Variants in APOL3 observed in about 807,000 individuals in gnomAD.
The protein encoded by APOL3 is apolipoprotein L3, also known as TNF-inducible protein CG12-1.
APOL3 carries 14 observed loss-of-function variants against 11.6 expected under a neutral mutation model. That is an observed-to-expected ratio of 1.21 (90% CI 0.80 to 1.89). The LOEUF (loss-of-function observed/expected upper bound fraction) is 1.89, where lower values mean the gene tolerates loss of function less well. APOL3 is among the 40% of genes most tolerant of loss of function. The probability of loss-of-function intolerance (pLI) is 0.00; values close to 1 mark genes in which losing one functional copy is unlikely to be tolerated. For synonymous variants in APOL3, 192 were observed against 190.6 expected, an observed-to-expected ratio of 1.01 and a Z score of -0.06; for missense variants, 483 against 492.1, an observed-to-expected ratio of 0.98 and a Z score of 0.17.
rs2013853394 is a variant in APOL3, at chr22:36,166,173, A to G, written c.-2080T>C. ...CATGTGGTTGTACCCTCCTTTCCCC[A>G]GAGTGGGCTTTTCTGTATAAATGAT... On this transcript the variant is annotated 5_prime_UTR_variant, in exon 1 of 4. Transcript: ENST00000361710. 5 of 152,302 alleles carry G rather than the reference A, an allele frequency of 3.3e-5. No homozygotes were observed. In the South Asian group the frequency reaches 1.0e-3, roughly 32 times the overall value. 9.4% of individuals were successfully genotyped at this position (152,302 alleles called of 1,614,324 possible).
At chr22:36,152,411 A>G (rs1309412903) in intron 1 of APOL3, among the ~76,000 whole-genome samples, 1 of 152,244 alleles carries the variant, frequency 6.6e-6, no homozygotes, top group African/African-American at 2.4e-5. Context: ...AACAAAACAG[A>G]ACATTTACAT....
chr22:36,158,437 T>C (rs1307961706), intron 1 of APOL3, among the ~76,000 whole-genome samples: 1 of 152,170 alleles, frequency 6.6e-6, no homozygotes, highest in Non-Finnish European at 1.5e-5. Context: ...GAGGGTGCCA[T>C]GCAGCGTTGT....
At chr22:36,162,012 C>CG (rs1202949704), upstream of APOL3, among the ~76,000 whole-genome samples, 1 of 152,138 alleles carries the variant, frequency 6.6e-6, no homozygotes, top group East Asian at 1.9e-4. Flanking sequence ...AACCTTCTGG[C>CG]GGCGGGTGCA....
At chr22:36,151,336 A>C (rs1204387539) in intron 1 of APOL3, among the ~76,000 whole-genome samples, 1 of 152,264 alleles carries the variant, frequency 6.6e-6, no homozygotes, top group Non-Finnish European at 1.5e-5. Flanking sequence ...ACAAGTAAAA[A>C]ATGAGTCCAG....
chr22:36,158,096 A>G (rs1300015687), intron 1 of APOL3, among the ~76,000 whole-genome samples: 1 of 152,156 alleles, frequency 6.6e-6, no homozygotes, highest in African/African-American at 2.4e-5. Context: ...GGTAAAAGAT[A>G]GGATCTGAAG....
At chr22:36,154,808 T>C (rs1253090808) in intron 1 of APOL3, among the ~76,000 whole-genome samples, 2 of 152,150 alleles carry the variant, frequency 1.3e-5, no homozygotes, top group Non-Finnish European at 2.9e-5. Flanking sequence ...GAATGCCTGT[T>C]TTTTCTACAC....
intron 2 of APOL3, among the ~76,000 whole-genome samples, chr22:36,143,730 G>A (rs948694495): frequency 6.6e-6 from 1 of 152,204 alleles, no homozygotes; most frequent in African/African-American, 2.4e-5. Flanking sequence ...GCACCTCCAA[G>A]CTTCAGGGTC....
chr22:36,152,849 C>G (rs552312574), intron 1 of APOL3, among the ~76,000 whole-genome samples: 1 of 152,314 alleles, frequency 6.6e-6, no homozygotes, highest in African/African-American at 2.4e-5. Context: ...TGGTTCACAT[C>G]TGTAATCCCA....
chr22:36,149,415 A>T, intron 1 of APOL3: 1 of 1,288,192 alleles, frequency 7.8e-7, no homozygotes, highest in Non-Finnish European at 1.0e-6. Context: ...AGGGATGGAC[A>T]TCTGATAATC....
At chr22:36,145,139 A>G (rs569721444) in intron 2 of APOL3, among the ~76,000 whole-genome samples, 37 of 152,320 alleles carry the variant, frequency 2.4e-4, no homozygotes, top group African/African-American at 8.9e-4. Context: ...TATGCTAAAT[A>G]CTTTACATGC....
chr22:36,160,548 A>G, intron 1 of APOL3, 121 bp downstream of exon 1: 3 of 1,025,102 alleles, frequency 2.9e-6, no homozygotes, highest in African/African-American at 1.6e-5. Flanking sequence ...ATGGACCGAG[A>G]TGTGACCTCA....
At chr22:36,156,385 G>A (rs2012837433) in intron 1 of APOL3, among the ~76,000 whole-genome samples, 2 of 152,130 alleles carry the variant, frequency 1.3e-5, no homozygotes. Flanking sequence ...ACAGCCCTGA[G>A]CCACAATACC....
intron 2 of APOL3, 79 bp from the exon 4 acceptor site, chr22:36,142,137 T>C (rs928521236): frequency 6.9e-7 from 1 of 1,445,976 alleles, no homozygotes; most frequent in Non-Finnish European, 9.2e-7. Context: ...CTGTTCTACA[T>C]AAATCACAGA....
intron 2 of APOL3, among the ~76,000 whole-genome samples, chr22:36,145,027 AAAAAAAAAG>A: frequency 8.6e-6 from 1 of 116,060 alleles, no homozygotes; most frequent in Non-Finnish European, 1.6e-5. Context: ...AAAAAAAAAG[AAAAAAAAAG>A]AAAAAAAAAG....
At chr22:36,160,988 G>T, upstream of APOL3, 1 of 1,122,296 alleles carries the variant, frequency 8.9e-7, no homozygotes, top group Non-Finnish European at 1.3e-6. Flanking sequence ...CCATACTTAG[G>T]GTTGGGGGTT....
upstream of APOL3, among the ~76,000 whole-genome samples, chr22:36,164,113 G>GT (rs929947037): frequency 1.3e-5 from 2 of 152,228 alleles, no homozygotes; most frequent in South Asian, 4.1e-4. Context: ...TTCTCCTAAT[G>GT]TTTTTTTCCA....
intron 1 of APOL3, chr22:36,149,476 T>G: frequency 9.4e-7 from 1 of 1,068,918 alleles, no homozygotes; most frequent in Non-Finnish European, 1.3e-6. Context: ...AGGAACGTTC[T>G]GACAATGACC....
intron 1 of APOL3, among the ~76,000 whole-genome samples, chr22:36,147,076 C>T (rs1005797566): frequency 2.6e-5 from 4 of 152,188 alleles, no homozygotes; most frequent in Admixed American, 1.3e-4. Context: ...TCAAGGCCAG[C>T]GTTCCCTTGC....
chr22:36,148,471 T>C (rs6000155), intron 1 of APOL3, among the ~76,000 whole-genome samples: 9,564 of 152,120 alleles, frequency 0.063, 1,004 homozygotes, highest in African/African-American at 0.22. Context: ...GCATTCCAGG[T>C]GAGGGGAGGT....
Sources: allele counts gnomAD v4.1 joint callset (sites outside exome capture counted in the v4.1 genomes callset), GRCh38; gene constraint gnomAD v4.1.1; transcripts MANE v1.5; gene names NCBI Gene and HGNC (gene_info 2026-07-23, HGNC 2026-07-21).